The following CORIN variants were observed in gnomAD, a reference collection of about 807,000 sequenced individuals.
The protein encoded by CORIN is atrial natriuretic peptide-converting enzyme.
Under a neutral mutation model 125.3 loss-of-function variants are expected in CORIN, and 117 were observed. The observed-to-expected ratio is 0.93, with a 90% CI of 0.80 to 1.09. The LOEUF is 1.09. Ranked by LOEUF, CORIN falls within the 50% of genes least tolerant of loss-of-function variation. CORIN has a pLI of 0.00. For synonymous variants in CORIN, 450 were observed against 466.4 expected, an observed-to-expected ratio of 0.96 and a Z score of 0.45; for missense variants, 1,253 against 1,306.7, an observed-to-expected ratio of 0.96 and a Z score of 0.63.
intron 20 of CORIN, among the ~76,000 whole-genome samples, chr4:47,600,681 G>A (rs190287162): frequency 2.6e-5 from 4 of 152,296 alleles, no homozygotes; most frequent in Non-Finnish European, 5.9e-5. Context: ...AATCAAGCCA[G>A]AGCTCTGCTG....
intron 1 of CORIN, among the ~76,000 whole-genome samples, chr4:47,835,768 G>A (rs190485581): frequency 1.3e-5 from 2 of 152,332 alleles, no homozygotes; most frequent in East Asian, 3.9e-4. Context: ...CGGAAGCACT[G>A]ATGCCTGCCT....
At chr4:47,676,513 G>T (rs909315137) in intron 9 of CORIN, among the ~76,000 whole-genome samples, 1 of 152,126 alleles carries the variant, frequency 6.6e-6, no homozygotes, top group Non-Finnish European at 1.5e-5. Context: ...CTCTGTTGCT[G>T]CATGGTTAAG....
At position 47,754,933 on chromosome 4, in the gene CORIN, C is replaced by A. The variant is rs577317746; in HGVS notation, c.617+8446G>T. 2.6e-4 allele frequency among the ~76,000 whole-genome samples: 40 copies of A among 152,282 alleles called. No homozygotes were observed. In the South Asian group the frequency reaches 8.1e-3, roughly 31 times the overall value. ...AGATTCTCTGATTAGTATTCCAAAGCAAACATAAAAGAGTTTTTGAGAAAA... is the reference window on the plus strand; with the variant it reads ...AGATTCTCTGATTAGTATTCCAAAGAAAACATAAAAGAGTTTTTGAGAAAA... On this transcript the variant is annotated intron_variant, in intron 4 of 21. Coordinates refer to ENST00000273857, the MANE Select transcript of CORIN (RefSeq NM_006587.4).
At chr4:47,775,001 C>A (rs1323146761) in intron 3 of CORIN, among the ~76,000 whole-genome samples, 1 of 152,054 alleles carries the variant, frequency 6.6e-6, no homozygotes, top group Admixed American at 6.5e-5. Context: ...GAGTTTCAGG[C>A]GTGCAAGATG....
intron 5 of CORIN, chr4:47,706,455 G>A: frequency 1.2e-6 from 2 of 1,611,126 alleles, no homozygotes; most frequent in South Asian, 2.2e-5. Flanking sequence ...TCCGCTGCTG[G>A]CAGTACCGCC....
chr4:47,657,105 A>G (rs143802319), intron 12 of CORIN, among the ~76,000 whole-genome samples: 2,262 of 152,354 alleles, frequency 0.015, 18 homozygotes, highest in Non-Finnish European at 0.025. Flanking sequence ...GATGAAAACC[A>G]TAAAACACTG....
At chr4:47,806,328 A>G (rs534346667) in intron 2 of CORIN, among the ~76,000 whole-genome samples, 29 of 152,316 alleles carry the variant, frequency 1.9e-4, no homozygotes, top group Middle Eastern at 6.8e-3. Context: ...TTATTGATCT[A>G]GCTGCATTTC....
intron 3 of CORIN, among the ~76,000 whole-genome samples, chr4:47,782,245 C>T (rs1490724145): frequency 6.6e-6 from 1 of 151,804 alleles, no homozygotes. Flanking sequence ...ATTAGCCAGG[C>T]ATAGTGGCGT....
intron 10 of CORIN, 74 bp from the exon 11 acceptor site, chr4:47,665,337 T>TAAA: frequency 9.1e-7 from 1 of 1,095,230 alleles, no homozygotes; most frequent in Non-Finnish European, 1.3e-6. Flanking sequence ...TTTACAAACT[T>TAAA]GAAGTCTATT....
intron 6 of CORIN, among the ~76,000 whole-genome samples, chr4:47,689,568 T>C (rs763965568): frequency 5.3e-5 from 8 of 152,208 alleles, no homozygotes; most frequent in Non-Finnish European, 8.8e-5. Context: ...TTATGTGTCA[T>C]AAAATGTGTG....
intron 16 of CORIN, among the ~76,000 whole-genome samples, chr4:47,636,771 C>CT (rs1208052675): frequency 5.9e-5 from 9 of 152,162 alleles, no homozygotes. Flanking sequence ...CATTAAACCT[C>CT]TTTTTTTCTT....
intron 19 of CORIN, among the ~76,000 whole-genome samples, chr4:47,604,533 T>A (rs1199804126): frequency 2.0e-5 from 3 of 152,228 alleles, no homozygotes; most frequent in Admixed American, 2.0e-4. Flanking sequence ...GCTTACCATG[T>A]ATGCCACAGT....
chr4:47,764,498 C>T (rs1368932137), intron 3 of CORIN, among the ~76,000 whole-genome samples: 2 of 152,200 alleles, frequency 1.3e-5, no homozygotes, highest in African/African-American at 2.4e-5. Context: ...AGATTCATTG[C>T]TTTTATTGTT....
intron 5 of CORIN, 83 bp downstream of exon 5, chr4:47,744,319 C>T (rs1728556413): frequency 7.9e-7 from 1 of 1,261,966 alleles, no homozygotes; most frequent in Non-Finnish European, 1.1e-6. Context: ...TCAGACTGTA[C>T]ACTTATTATT....
intron 13 of CORIN, among the ~76,000 whole-genome samples, chr4:47,652,169 C>T (rs1560489782): frequency 6.6e-6 from 1 of 152,102 alleles, no homozygotes; most frequent in Non-Finnish European, 1.5e-5. Flanking sequence ...CACAAACAAG[C>T]AAACAACAGT....
intron 10 of CORIN, among the ~76,000 whole-genome samples, chr4:47,673,253 A>C (rs112065857): frequency 6.6e-6 from 1 of 151,814 alleles, no homozygotes; most frequent in Admixed American, 6.6e-5. Context: ...GTGTGTGCCT[A>C]TAATCCCAGC....
At chr4:47,693,865 T>A (rs1725873854) in intron 5 of CORIN, among the ~76,000 whole-genome samples, 1 of 152,192 alleles carries the variant, frequency 6.6e-6, no homozygotes, top group African/African-American at 2.4e-5. Flanking sequence ...AATAAAAGGA[T>A]AAATCAGCTC....
chr4:47,821,348 TATTA>T (rs1732502685), intron 1 of CORIN, among the ~76,000 whole-genome samples: 1 of 151,348 alleles, frequency 6.6e-6, no homozygotes, highest in South Asian at 2.1e-4. Flanking sequence ...TGATTAGGAA[TATTA>T]ATTAATATTT....
intron 5 of CORIN, among the ~76,000 whole-genome samples, chr4:47,739,575 C>T (rs979217216): frequency 6.6e-6 from 1 of 151,796 alleles, no homozygotes; most frequent in Non-Finnish European, 1.5e-5. Flanking sequence ...AATAAAAGGA[C>T]AGTATACAGC....
Sources: allele counts gnomAD v4.1 joint callset (sites outside exome capture counted in the v4.1 genomes callset), GRCh38; gene constraint gnomAD v4.1.1; transcripts MANE v1.5; gene names NCBI Gene and HGNC (gene_info 2026-07-23, HGNC 2026-07-21).